TRPM3: variants seen among roughly 807,000 people sequenced by gnomAD.
TRPM3 encodes the protein transient receptor potential cation channel subfamily M member 3, also known as long transient receptor potential channel 3.
A neutral mutation model predicts 181.2 loss-of-function variants in TRPM3; 77 were observed. The ratio of observed to expected loss-of-function variants is 0.42; its 90% CI spans 0.35 to 0.51. The LOEUF is 0.51. Among genes scored for constraint, TRPM3 ranks in the 20% least tolerant of loss-of-function variants. TRPM3 has a pLI of 0.01. For missense variants in TRPM3, 1,759 were observed against 2,196.7 expected, an observed-to-expected ratio of 0.80 and a Z score of 3.98; for synonymous variants, 745 against 796.4, an observed-to-expected ratio of 0.94 and a Z score of 1.09.
At chr9:70,965,373 T>C (rs1269025209) in intron 1 of TRPM3, among the ~76,000 whole-genome samples, 1 of 152,096 alleles carries the variant, frequency 6.6e-6, no homozygotes. Context: ...CCCCCCCTTT[T>C]TGAACAAAAA....
At chr9:71,405,104 A>G (rs2093412678) in intron 1 of TRPM3, among the ~76,000 whole-genome samples, 1 of 152,184 alleles carries the variant, frequency 6.6e-6, no homozygotes, top group Admixed American at 6.5e-5. Flanking sequence ...TTCACATTCC[A>G]ACACCTTGTA....
At chr9:71,267,770 G>A (rs935082695) in intron 1 of TRPM3, among the ~76,000 whole-genome samples, 6 of 152,028 alleles carry the variant, frequency 3.9e-5, no homozygotes, top group Non-Finnish European at 7.4e-5. Flanking sequence ...TGCACATGAC[G>A]GACAATGGCC....
At chr9:70,617,659 T>C (rs1399211709) in intron 17 of TRPM3, among the ~76,000 whole-genome samples, 1 of 152,180 alleles carries the variant, frequency 6.6e-6, no homozygotes, top group Non-Finnish European at 1.5e-5. Context: ...CATTTCACTA[T>C]GTATATCAAA....
chr9:70,697,749 T>G (rs2071012334), intron 8 of TRPM3, among the ~76,000 whole-genome samples: 2 of 152,148 alleles, frequency 1.3e-5, no homozygotes, highest in African/African-American at 4.8e-5. Context: ...GAAGAGTAAT[T>G]ATCAGTATAA....
chr9:71,080,452 C>T (rs933748059), intron 1 of TRPM3, among the ~76,000 whole-genome samples: 11 of 152,076 alleles, frequency 7.2e-5, no homozygotes, highest in African/African-American at 2.2e-4. Context: ...GAAGGGAAGC[C>T]TTGTTCTTGG....
At chr9:71,378,039 G>A (rs1429858813) in intron 1 of TRPM3, among the ~76,000 whole-genome samples, 2 of 151,922 alleles carry the variant, frequency 1.3e-5, no homozygotes, top group African/African-American at 4.8e-5. Context: ...AAACTACAGA[G>A]TAGATAAAGA....
chr9:70,668,687 A>G (rs2134032027), intron 9 of TRPM3, among the ~76,000 whole-genome samples: 1 of 150,354 alleles, frequency 6.7e-6, no homozygotes, highest in African/African-American at 2.4e-5. Context: ...AAAAAAAAAA[A>G]AAAAAAAAAA....
chr9:70,912,480 T>C (rs2096548205), intron 1 of TRPM3, among the ~76,000 whole-genome samples: 1 of 152,230 alleles, frequency 6.6e-6, no homozygotes, highest in Non-Finnish European at 1.5e-5. Flanking sequence ...GAGGTAAGCA[T>C]AACCAGTTAA....
At chr9:71,259,429 G>C (rs1379446768) in intron 1 of TRPM3, among the ~76,000 whole-genome samples, 1 of 152,130 alleles carries the variant, frequency 6.6e-6, no homozygotes, top group Non-Finnish European at 1.5e-5. Flanking sequence ...GCTGGGTCAA[G>C]TGGTATTTCT....
intron 1 of TRPM3, among the ~76,000 whole-genome samples, chr9:71,028,530 A>C (rs1047411747): frequency 3.3e-5 from 5 of 152,174 alleles, no homozygotes; most frequent in Non-Finnish European, 5.9e-5. Context: ...AGTTACATAA[A>C]TAACCAAAAC....
intron 1 of TRPM3, among the ~76,000 whole-genome samples, chr9:71,345,160 A>G (rs1319995412): frequency 1.3e-5 from 2 of 152,208 alleles, no homozygotes. Flanking sequence ...CATTAGTTCA[A>G]CCATTGTGGA....
intron 1 of TRPM3, among the ~76,000 whole-genome samples, chr9:71,095,594 A>C (rs907315654): frequency 5.3e-5 from 8 of 151,958 alleles, no homozygotes; most frequent in South Asian, 2.1e-4. Flanking sequence ...CCTCGTCCCT[A>C]CTAAAAATAC....
chr9:71,350,702 T>G (rs546738022), intron 1 of TRPM3, among the ~76,000 whole-genome samples: 1 of 152,264 alleles, frequency 6.6e-6, no homozygotes, highest in Non-Finnish European at 1.5e-5. Context: ...CAATTTATTT[T>G]GTTGACTTGG....
rs79187802 is a variant in TRPM3, at chr9:71,323,781, T to C, written c.183+122872A>G. The stretch of plus-strand genomic sequence containing the variant: ...TGACACGTTAAGATGAGAGGGAAGA[T>C]GACATGAAGGGAAATGTGCAGCCTA... On this transcript the variant is annotated intron_variant, in intron 1 of 24. Transcript: ENST00000357533. 6.9e-3 allele frequency among the ~76,000 whole-genome samples: 1,043 copies of C among 152,076 alleles called. 15 individuals are homozygous for C. Among genetic ancestry groups the C allele is most frequent in the African/African-American group, 0.024 (1,001 of 41,494 alleles).
chr9:70,818,499 T>A (rs970143975), intron 6 of TRPM3, among the ~76,000 whole-genome samples: 1 of 152,178 alleles, frequency 6.6e-6, no homozygotes, highest in Non-Finnish European at 1.5e-5. Context: ...CTAATAACTG[T>A]GGACTGTAGG....
chr9:71,019,931 G>A (rs895577126), intron 1 of TRPM3, among the ~76,000 whole-genome samples: 1 of 152,150 alleles, frequency 6.6e-6, no homozygotes, highest in Non-Finnish European at 1.5e-5. Context: ...CTGTAGAACT[G>A]TAGGGAAGGG....
chr9:71,394,158 T>C (rs1348367440), intron 1 of TRPM3, among the ~76,000 whole-genome samples: 1 of 152,174 alleles, frequency 6.6e-6, no homozygotes, highest in African/African-American at 2.4e-5. Flanking sequence ...TGAGAAGTTT[T>C]ACAGAACTGA....
chr9:70,865,621 A>C (rs943072967), intron 1 of TRPM3, among the ~76,000 whole-genome samples: 7 of 152,044 alleles, frequency 4.6e-5, no homozygotes, highest in African/African-American at 1.7e-4. Context: ...AATGACTCAG[A>C]TGTCTATAAG....
chr9:71,233,110 T>C (rs2081166711), intron 1 of TRPM3, among the ~76,000 whole-genome samples: 1 of 152,226 alleles, frequency 6.6e-6, no homozygotes, highest in African/African-American at 2.4e-5. Flanking sequence ...TTTACTGTCC[T>C]GCCTTACTGT....
Sources: allele counts gnomAD v4.1 joint callset (sites outside exome capture counted in the v4.1 genomes callset), GRCh38; gene constraint gnomAD v4.1.1; transcripts MANE v1.5; gene names NCBI Gene and HGNC (gene_info 2026-07-23, HGNC 2026-07-21).